XRRA1: variants seen among roughly 807,000 people sequenced by gnomAD.
XRRA1 encodes the protein X-ray radiation resistance-associated protein 1.
In XRRA1, 69 loss-of-function variants were observed where a neutral mutation model predicts 80.2. That is an observed-to-expected ratio of 0.86 (90% CI 0.71 to 1.05). The LOEUF (loss-of-function observed/expected upper bound fraction) is 1.05. XRRA1 is among the 50% of genes least tolerant of loss of function. XRRA1 has a pLI of 0.00. For missense variants in XRRA1, 967 were observed against 976.4 expected (o/e 0.99, Z 0.13); for synonymous variants, 348 against 389.9 (o/e 0.89, Z 1.27).
chr11:74,845,748 G>A (rs538968354), intron 15 of XRRA1, among the ~76,000 whole-genome samples: 28 of 152,324 alleles, frequency 1.8e-4, no homozygotes, highest in African/African-American at 6.7e-4. Context: ...GCAGGACCCG[G>A]ATCGGTAAGG....
chr11:74,846,247 A>G (rs1391003394), intron 15 of XRRA1: 1 of 152,254 alleles, frequency 6.6e-6, no homozygotes, highest in Admixed American at 6.5e-5. Context: ...TATTATATAT[A>G]CACACGTATG....
chr11:74,864,083 A>C (rs1338359895), intron 10 of XRRA1: 1 of 152,202 alleles, frequency 6.6e-6, no homozygotes. Flanking sequence ...AACAATATAA[A>C]AAAGGGAAGA....
chr11:74,885,539 T>C (rs1342695065), intron 10 of XRRA1, among the ~76,000 whole-genome samples: 1 of 152,076 alleles, frequency 6.6e-6, no homozygotes, highest in Non-Finnish European at 1.5e-5. Context: ...AATCCCTGAA[T>C]AGACCAATAA....
At chr11:74,852,117 A>G (rs1318506595) in intron 12 of XRRA1, 35 bp from the exon 13 acceptor site, 4 of 1,543,980 alleles carry the variant, frequency 2.6e-6, no homozygotes, top group Non-Finnish European at 3.6e-6. Flanking sequence ...TCAGGTTGAC[A>G]CCACCCCTCA....
At chr11:74,902,896 G>A (rs1321754127) in intron 10 of XRRA1, among the ~76,000 whole-genome samples, 3 of 152,000 alleles carry the variant, frequency 2.0e-5, no homozygotes, top group Non-Finnish European at 2.9e-5. Flanking sequence ...TAATTTAATT[G>A]TACATTTAAA....
chr11:74,859,317 C>G lies in XRRA1; in HGVS notation c.1045-34G>C, dbSNP rs904813363. The stretch of plus-strand genomic sequence containing the variant: ...GAAGGAAAAGTCAAAATCAAAGTGC[C>G]CGATAATAAATAAGGCCACTAAGGG... On this transcript the variant is annotated intron_variant, in intron 11 of 18. Transcript: ENST00000684022. 6 of 1,582,206 alleles carry G rather than the reference C, an allele frequency of 3.8e-6. No individual in the cohort carries two copies. In the Admixed American group the frequency reaches 5.5e-5, roughly 14 times the overall value.
rs535850359 is a variant in XRRA1, at chr11:74,921,088, T to C, written c.656+126A>G. The stretch of plus-strand genomic sequence containing the variant: ...TCTGAGGCCTTTCTGGGAGCTTCAG[T>C]AGGTGCCATTATCCCTGCTTTGAGC... On this transcript the variant is annotated intron_variant, in intron 8 of 18. Transcript: ENST00000684022. 2.2e-5 allele frequency: 28 copies of C among 1,268,184 alleles called. No individual in the cohort carries two copies. The African/African-American group carries it at 2.4e-4, about 11-fold the overall frequency. The allele number at this position is 1,268,184 out of a possible 1,614,324, so 78.6% of individuals were successfully genotyped here.
chr11:74,851,471 C>T (rs1349910460), intron 13 of XRRA1, among the ~76,000 whole-genome samples: 2 of 152,132 alleles, frequency 1.3e-5, no homozygotes, highest in African/African-American at 4.8e-5. Context: ...CAGAACTTCA[C>T]TGGTGTCACT....
intron 11 of XRRA1, among the ~76,000 whole-genome samples, chr11:74,860,799 C>T (rs1415644496): frequency 6.6e-6 from 1 of 152,202 alleles, no homozygotes; most frequent in Non-Finnish European, 1.5e-5. Flanking sequence ...TGGTCTTTAT[C>T]CCAGGTTCCT....
At chr11:74,878,409 A>C (rs942240961) in intron 10 of XRRA1, among the ~76,000 whole-genome samples, 25 of 151,636 alleles carry the variant, frequency 1.6e-4, no homozygotes, top group Non-Finnish European at 3.2e-4. Flanking sequence ...CCCATTTTGT[A>C]GGTTGCCTGT....
intron 5 of XRRA1, among the ~76,000 whole-genome samples, chr11:74,930,922 A>G (rs1679512504): frequency 6.6e-6 from 1 of 151,956 alleles, no homozygotes; most frequent in South Asian, 2.1e-4. Context: ...CTTCCACCTC[A>G]GCCTCTTGAG....
At chr11:74,877,230 A>G (rs912300609) in intron 10 of XRRA1, among the ~76,000 whole-genome samples, 1 of 152,216 alleles carries the variant, frequency 6.6e-6, no homozygotes, top group African/African-American at 2.4e-5. Context: ...TCACATCACA[A>G]GTCATAAAAG....
At chr11:74,906,972 A>T in intron 9 of XRRA1, 173 bp downstream of exon 9, 2 of 802,058 alleles carry the variant, frequency 2.5e-6, no homozygotes, top group Non-Finnish European at 3.8e-6. Context: ...GGCCATTTTT[A>T]TGGAGGAGCC....
chr11:74,877,806 G>A (rs1164065969), intron 10 of XRRA1, among the ~76,000 whole-genome samples: 4 of 151,984 alleles, frequency 2.6e-5, no homozygotes, highest in African/African-American at 7.3e-5. Context: ...CATTTTTTAT[G>A]GCTGCATAGT....
At chr11:74,946,396 C>A (rs1002370995) in intron 1 of XRRA1, among the ~76,000 whole-genome samples, 2 of 152,192 alleles carry the variant, frequency 1.3e-5, no homozygotes, top group Non-Finnish European at 2.9e-5. Context: ...CCCATGCTGT[C>A]CTCACCATAG....
intron 8 of XRRA1, chr11:74,918,804 T>C (rs2138816812): frequency 6.6e-6 from 1 of 152,344 alleles, no homozygotes; most frequent in African/African-American, 2.4e-5. Flanking sequence ...GAAGCAACTC[T>C]CTTGTCTGGC....
chr11:74,907,310 G>A (rs1307269707), intron 8 of XRRA1, 37 bp from the exon 9 acceptor site: 48 of 1,610,862 alleles, frequency 3.0e-5, no homozygotes, highest in Non-Finnish European at 3.6e-5. Context: ...GAGCAAGGTC[G>A]AGGGACAAAT....
At chr11:74,907,748 G>A (rs1379421920) in intron 8 of XRRA1, among the ~76,000 whole-genome samples, 3 of 152,270 alleles carry the variant, frequency 2.0e-5, no homozygotes, top group East Asian at 3.9e-4. Context: ...GTAAAGTAGG[G>A]TGGGTTGAGG....
intron 13 of XRRA1, 24 bp from the exon 14 acceptor site, chr11:74,851,227 G>A: frequency 6.4e-7 from 1 of 1,571,692 alleles, no homozygotes; most frequent in Non-Finnish European, 8.7e-7. Flanking sequence ...GGGAAAATAA[G>A]ATTACTATTA....
Sources: gnomAD v4.1 joint callset for allele counts (sites outside exome capture counted in the v4.1 genomes callset) on GRCh38, gnomAD v4.1.1 for gene constraint, MANE v1.5 for transcripts, NCBI Gene and HGNC (gene_info 2026-07-23, HGNC 2026-07-21) for gene names.